Variants in TEX9 observed in about 807,000 individuals in gnomAD.
The protein encoded by TEX9 is testis-expressed protein 9.
A neutral mutation model predicts 59.6 loss-of-function variants in TEX9; 74 were observed. The observed-to-expected ratio is 1.24, with a 90% confidence interval of 1.03 to 1.51. TEX9 has a LOEUF of 1.51. Among genes scored for constraint, TEX9 ranks in the 40% most tolerant of loss-of-function variants. The pLI is 0.00. For missense variants in TEX9, 522 were observed against 447.8 expected (o/e 1.17, Z -1.49); for synonymous variants, 186 against 152.2 (o/e 1.22, Z -1.64).
intron 12 of TEX9, among the ~76,000 whole-genome samples, chr15:56,430,533 G>A (rs1275349227): frequency 1.3e-5 from 2 of 152,108 alleles, no homozygotes; most frequent in Admixed American, 6.6e-5. Flanking sequence ...AAGTCACAGT[G>A]TGTCTCAGGT....
upstream of TEX9, among the ~76,000 whole-genome samples, chr15:56,364,605 G>A (rs190389781): frequency 1.3e-5 from 2 of 152,006 alleles, no homozygotes; most frequent in Admixed American, 1.3e-4. Flanking sequence ...CCTAAGTTTA[G>A]GTCTTTGATA....
chr15:56,456,627 T>C, the TEX9 span: 3 of 1,053,438 alleles, frequency 2.8e-6, no homozygotes, highest in Middle Eastern at 2.6e-4. Flanking sequence ...AGGCCAACAA[T>C]TGATGATGTT....
chr15:56,346,118 C>T (rs1419408006), intron 1 of TEX9, among the ~76,000 whole-genome samples: 1 of 152,094 alleles, frequency 6.6e-6, no homozygotes, highest in Non-Finnish European at 1.5e-5. Flanking sequence ...TGAGATCTAA[C>T]CAACCACAAT....
chr15:56,413,072 A>T (rs925282633), intron 10 of TEX9, among the ~76,000 whole-genome samples: 1 of 151,826 alleles, frequency 6.6e-6, no homozygotes, highest in Non-Finnish European at 1.5e-5. Flanking sequence ...TCAAATACCA[A>T]TGTTCATGAA....
chr15:56,404,061 C>G (rs2048940709), intron 9 of TEX9, among the ~76,000 whole-genome samples: 1 of 152,202 alleles, frequency 6.6e-6, no homozygotes, highest in African/African-American at 2.4e-5. Context: ...CCATTCAGGA[C>G]ATAGGCATGG....
At chr15:56,302,306 A>C (rs966746512) in intron 1 of TEX9, among the ~76,000 whole-genome samples, 1 of 149,080 alleles carries the variant, frequency 6.7e-6, no homozygotes, top group Non-Finnish European at 1.5e-5. Flanking sequence ...TGGGCAACAG[A>C]GCAAGACACT....
chr15:56,385,463 CTT>C (rs758083870), intron 4 of TEX9, among the ~76,000 whole-genome samples: 10 of 152,124 alleles, frequency 6.6e-5, no homozygotes, highest in African/African-American at 1.9e-4. Flanking sequence ...CATAGTGAAA[CTT>C]TTCATTTGGG....
intron 10 of TEX9, among the ~76,000 whole-genome samples, chr15:56,417,765 T>C (rs1382045121): frequency 6.6e-6 from 1 of 151,922 alleles, no homozygotes; most frequent in African/African-American, 2.4e-5. Flanking sequence ...CTCGATGATC[T>C]GTCTAATACT....
chr15:56,457,896 CT>C, the TEX9 span, among the ~76,000 whole-genome samples: 2 of 151,540 alleles, frequency 1.3e-5, no homozygotes, highest in Non-Finnish European at 1.5e-5. Flanking sequence ...GAAATGAAAA[CT>C]TTTTATTTAA....
At chr15:56,400,714 A>T (rs1348659644) in intron 9 of TEX9, among the ~76,000 whole-genome samples, 1 of 152,198 alleles carries the variant, frequency 6.6e-6, no homozygotes, top group Non-Finnish European at 1.5e-5. Context: ...TGAAGGAAAA[A>T]ATGTTAAGGG....
chr15:56,327,920 C>G (rs1454942015), intron 1 of TEX9, among the ~76,000 whole-genome samples: 1 of 152,016 alleles, frequency 6.6e-6, no homozygotes, highest in Non-Finnish European at 1.5e-5. Context: ...CCACAAGAAC[C>G]GCAACTCTTA....
intron 1 of TEX9, among the ~76,000 whole-genome samples, chr15:56,267,720 G>A (rs1432629549): frequency 1.3e-5 from 2 of 152,132 alleles, no homozygotes; most frequent in Non-Finnish European, 2.9e-5. Flanking sequence ...ATGCTGTTTT[G>A]TTTACTGTAG....
intron 12 of TEX9, chr15:56,443,739 T>C (rs755587490): frequency 7.4e-6 from 12 of 1,613,436 alleles, no homozygotes; most frequent in Non-Finnish European, 9.3e-6. Flanking sequence ...ATGATTTTTC[T>C]GTTTTCTTCT....
intron 1 of TEX9, among the ~76,000 whole-genome samples, chr15:56,354,180 G>A (rs1045189957): frequency 1.3e-5 from 2 of 152,152 alleles, no homozygotes; most frequent in African/African-American, 4.8e-5. Flanking sequence ...GACAGAGACA[G>A]GAATCATTAT....
At chr15:56,283,558 G>T (rs188032479) in intron 1 of TEX9, among the ~76,000 whole-genome samples, 2 of 151,930 alleles carry the variant, frequency 1.3e-5, no homozygotes, top group African/African-American at 4.8e-5. Context: ...AGCAATTTGG[G>T]GAAAAAAATC....
the TEX9 span, among the ~76,000 whole-genome samples, chr15:56,456,793 C>CT: frequency 2.0e-3 from 302 of 152,184 alleles, 2 homozygotes; most frequent in African/African-American, 6.9e-3. Flanking sequence ...TTCTGCTAAT[C>CT]TTTTTTCTCT....
At chr15:56,440,544 G>A (rs1387404634) in intron 12 of TEX9, among the ~76,000 whole-genome samples, 1 of 152,110 alleles carries the variant, frequency 6.6e-6, no homozygotes, top group Non-Finnish European at 1.5e-5. Context: ...ACTCATCAGA[G>A]CTAAATATTG....
Position 56,427,592 on chromosome 15 carries a change from T to A in TEX9, c.964-13T>A. The A allele has an allele frequency of 6.8e-7, 1 of 1,479,326 alleles. No individual in the cohort carries two copies. Among genetic ancestry groups the A allele is most frequent in the Non-Finnish European group, 9.0e-7 (1 of 1,108,574 alleles). 91.6% of individuals were successfully genotyped at this position (1,479,326 alleles called of 1,614,324 possible). A position where few individuals can be genotyped will look rare whatever the true frequency, so the allele number is the denominator to read the frequency against. On this transcript the variant is annotated splice_polypyrimidine_tract_variant and intron_variant, in intron 10 of 12. Coordinates refer to ENST00000352903, the Ensembl canonical transcript of TEX9. ...ATATTAAAAATATATGGCACTTTTT[T>A]TTCCTTGTGTAGGACATAGCAAATG...
chr15:56,330,512 G>T (rs2046117720), intron 1 of TEX9, among the ~76,000 whole-genome samples: 2 of 152,074 alleles, frequency 1.3e-5, no homozygotes, highest in African/African-American at 4.8e-5. Flanking sequence ...TACAAGCAAT[G>T]AAAAGGTAAA....
Sources: allele counts gnomAD v4.1 joint callset (sites outside exome capture counted in the v4.1 genomes callset), GRCh38; gene constraint gnomAD v4.1.1; transcripts MANE v1.5; gene names NCBI Gene and HGNC (gene_info 2026-07-23, HGNC 2026-07-21).